DCAF1: variants seen among roughly 807,000 people sequenced by gnomAD.
DCAF1 encodes the protein DDB1 and CUL4 associated factor 1.
A neutral mutation model predicts 128.0 loss-of-function variants in DCAF1; 15 were observed. The observed-to-expected ratio is 0.12, with a 90% CI of 0.08 to 0.18. The LOEUF is 0.18. DCAF1 is among the 10% of genes least tolerant of loss of function. DCAF1 has a pLI of 1.00. For missense variants in DCAF1, 988 were observed against 1,649.5 expected, an observed-to-expected ratio of 0.60 and a Z score of 6.95; for synonymous variants, 610 against 603.0, an observed-to-expected ratio of 1.01 and a Z score of -0.17.
chr3:51,479,736 CA>C (rs1207785548), intron 3 of DCAF1, among the ~76,000 whole-genome samples: 2 of 152,092 alleles, frequency 1.3e-5, no homozygotes, highest in Non-Finnish European at 1.5e-5. Flanking sequence ...GCAGAGCTTG[CA>C]GTAAGCCAAG....
intron 24 of DCAF1, among the ~76,000 whole-genome samples, chr3:51,399,377 A>G (rs967429197): frequency 6.6e-6 from 1 of 152,200 alleles, no homozygotes; most frequent in South Asian, 2.1e-4. Context: ...TGCCTCTGTA[A>G]TTTCAGAATA....
chr3:51,436,781 A>G (rs1700868214), intron 9 of DCAF1, among the ~76,000 whole-genome samples: 1 of 152,204 alleles, frequency 6.6e-6, no homozygotes, highest in Non-Finnish European at 1.5e-5. Context: ...AGAATTTGAA[A>G]CAAACTCACT....
intron 13 of DCAF1, among the ~76,000 whole-genome samples, chr3:51,423,861 T>C (rs1699660924): frequency 6.7e-6 from 1 of 149,808 alleles, no homozygotes; most frequent in Admixed American, 6.6e-5. Context: ...ATCAGAAGAA[T>C]TTATGTATTA....
At chr3:51,437,878 C>T (rs759039774) in intron 9 of DCAF1, among the ~76,000 whole-genome samples, 9 of 150,940 alleles carry the variant, frequency 6.0e-5, no homozygotes, top group East Asian at 1.9e-4. Flanking sequence ...CTAGTCACTA[C>T]GCCAGAAAAA....
At chr3:51,490,858 A>G (rs1553657654) in intron 2 of DCAF1, among the ~76,000 whole-genome samples, 2 of 152,072 alleles carry the variant, frequency 1.3e-5, no homozygotes, top group African/African-American at 2.4e-5. Flanking sequence ...CCCAAGAGGC[A>G]GAGGTTGCAG....
At chr3:51,496,085 A>G (rs1708204157) in intron 2 of DCAF1, among the ~76,000 whole-genome samples, 1 of 151,842 alleles carries the variant, frequency 6.6e-6, no homozygotes, top group Non-Finnish European at 1.5e-5. Context: ...TGAGGTTGGG[A>G]GTTCGAGACC....
chr3:51,434,760 T>G (rs1029458433), intron 9 of DCAF1, among the ~76,000 whole-genome samples: 1 of 152,196 alleles, frequency 6.6e-6, no homozygotes, highest in African/African-American at 2.4e-5. Flanking sequence ...AGTTTTTTTA[T>G]TTTTTAAGGT....
intron 4 of DCAF1, among the ~76,000 whole-genome samples, chr3:51,468,402 C>A (rs968839617): frequency 6.6e-6 from 1 of 152,062 alleles, no homozygotes; most frequent in Non-Finnish European, 1.5e-5. Flanking sequence ...GAACTCCTGA[C>A]CTCAGGTGAT....
chr3:51,448,687 C>T (rs1448015239), intron 6 of DCAF1, among the ~76,000 whole-genome samples: 2 of 152,116 alleles, frequency 1.3e-5, no homozygotes. Context: ...TAACTATTAC[C>T]GGTATAGTAT....
chr3:51,486,822 T>C lies in DCAF1; in HGVS notation c.-8-2986A>G, dbSNP rs759316012. Among the ~76,000 whole-genome samples, 93 of 151,592 alleles carry C rather than the reference T, an allele frequency of 6.1e-4. 1 individual carries two copies. Among genetic ancestry groups the C allele is most frequent in the African/African-American group, 1.6e-3 (66 of 41,354 alleles). ...CTAATTTTTGTATTTTTAGTAGAGATAGAGTTTCACCATATTGGCCAGGCT... is the reference window on the plus strand; with the variant it reads ...CTAATTTTTGTATTTTTAGTAGAGACAGAGTTTCACCATATTGGCCAGGCT... On this transcript the variant is annotated intron_variant, in intron 2 of 24. Coordinates refer to ENST00000684031, the MANE Select transcript of DCAF1 (RefSeq NM_001387579.1).
intron 2 of DCAF1, among the ~76,000 whole-genome samples, chr3:51,492,690 C>T (rs1311019153): frequency 1.3e-5 from 2 of 152,068 alleles, no homozygotes; most frequent in East Asian, 3.9e-4. Context: ...ACACATATTG[C>T]TTGTAGAAAT....
chr3:51,479,721 G>A (rs1553652088), intron 3 of DCAF1, among the ~76,000 whole-genome samples: 2 of 151,744 alleles, frequency 1.3e-5, no homozygotes, highest in African/African-American at 4.8e-5. Context: ...GTGTGAATCT[G>A]GGAGGCAGAG....
At chr3:51,485,892 T>A (rs782786592) in intron 2 of DCAF1, among the ~76,000 whole-genome samples, 1,897 of 146,128 alleles carry the variant, frequency 0.013, 17 homozygotes, top group Admixed American at 0.019. Context: ...TTTATTTTTT[T>A]TTTTTTTTTT....
At chr3:51,480,533 A>G (rs1354587060) in intron 3 of DCAF1, among the ~76,000 whole-genome samples, 2 of 135,328 alleles carry the variant, frequency 1.5e-5, no homozygotes, top group Non-Finnish European at 3.1e-5. Context: ...CAGGAGGCGG[A>G]GGTTGCAGTG....
At chr3:51,441,138 T>C in intron 8 of DCAF1, 67 bp from the exon 9 acceptor site, 1 of 1,420,556 alleles carries the variant, frequency 7.0e-7, no homozygotes, top group Non-Finnish European at 9.7e-7. Context: ...TATTCCACTC[T>C]TTGAGGATAG....
At chr3:51,434,081 CAA>C (rs1282871237) in intron 9 of DCAF1, among the ~76,000 whole-genome samples, 27 of 91,748 alleles carry the variant, frequency 2.9e-4, no homozygotes, top group Non-Finnish European at 2.3e-4. Context: ...GACCCTGTCT[CAA>C]AAAAAAAAAA....
At chr3:51,451,102 T>C (rs1702308794) in intron 6 of DCAF1, among the ~76,000 whole-genome samples, 1 of 127,198 alleles carries the variant, frequency 7.9e-6, no homozygotes, top group Non-Finnish European at 1.6e-5. Context: ...TTTTTTTTTT[T>C]TTTAGTGACA....
intron 14 of DCAF1, 59 bp from the exon 15 acceptor site, chr3:51,421,056 T>C: frequency 2.6e-6 from 4 of 1,530,038 alleles, no homozygotes; most frequent in Non-Finnish European, 3.5e-6. Context: ...ACTTCAATAG[T>C]TGTTCCAGAG....
At chr3:51,493,100 G>A (rs1553658961) in intron 2 of DCAF1, among the ~76,000 whole-genome samples, 1 of 151,640 alleles carries the variant, frequency 6.6e-6, no homozygotes, top group African/African-American at 2.4e-5. Context: ...TAAGTCACAT[G>A]TAGAATTACT....
Sources: gnomAD v4.1 joint callset for allele counts (sites outside exome capture counted in the v4.1 genomes callset) on GRCh38, gnomAD v4.1.1 for gene constraint, MANE v1.5 for transcripts, NCBI Gene and HGNC (gene_info 2026-07-23, HGNC 2026-07-21) for gene names.